The following RUFY3 variants were observed in gnomAD, a reference collection of about 807,000 sequenced individuals.
The protein encoded by RUFY3 is RUN and FYVE domain containing 3, also known as protein RUFY3.
In RUFY3, 34 loss-of-function variants were observed where a neutral mutation model predicts 84.0. That is an observed-to-expected ratio of 0.40 (90% CI 0.31 to 0.54). The LOEUF (loss-of-function observed/expected upper bound fraction) is 0.54, where lower values mean the gene tolerates loss of function less well. Among genes scored for constraint, RUFY3 ranks in the 20% least tolerant of loss-of-function variants. RUFY3 has a pLI of 0.39. For missense variants in RUFY3, 507 were observed against 736.8 expected, an observed-to-expected ratio of 0.69 and a Z score of 3.61; for synonymous variants, 242 against 252.9, an observed-to-expected ratio of 0.96 and a Z score of 0.41.
upstream of RUFY3, chr4:70,704,748 G>C (rs1740054333): frequency 2.7e-6 from 1 of 365,516 alleles, no homozygotes; most frequent in Non-Finnish European, 4.7e-6. Flanking sequence ...CAGCTGGCTT[G>C]GACCCTGGCG....
intron 12 of RUFY3, chr4:70,792,868 G>T (rs1205994379): frequency 1.9e-5 from 19 of 985,168 alleles, no homozygotes; most frequent in Middle Eastern, 5.2e-4. Context: ...CTTATAATTT[G>T]CACCTATATA....
chr4:70,792,217 T>G, intron 12 of RUFY3: 1 of 985,586 alleles, frequency 1.0e-6, no homozygotes, highest in Non-Finnish European at 1.2e-6. Flanking sequence ...AATGATGATA[T>G]TCTGCCTGGC....
chr4:70,736,717 G>A (rs1380868175), intron 1 of RUFY3, among the ~76,000 whole-genome samples: 3 of 152,082 alleles, frequency 2.0e-5, no homozygotes, highest in African/African-American at 4.8e-5. Context: ...GATTACAGGC[G>A]CTTTCGACCA....
chr4:70,707,614 A>G (rs1330613879), intron 1 of RUFY3, among the ~76,000 whole-genome samples: 1 of 151,758 alleles, frequency 6.6e-6, no homozygotes, highest in Non-Finnish European at 1.5e-5. Context: ...GAAATAGTTT[A>G]TTGATGTGTA....
upstream of RUFY3, chr4:70,704,756 G>A: frequency 2.6e-6 from 1 of 381,338 alleles, no homozygotes. Flanking sequence ...TTGGACCCTG[G>A]CGGGGCGGGC....
Position 70,776,731 on chromosome 4 carries a change from G to A in RUFY3, c.824+1498G>A, listed in dbSNP as rs561115298. Among the ~76,000 whole-genome samples, 32 of 152,296 alleles carry A rather than the reference G, an allele frequency of 2.1e-4. 1 individual carries two copies. The South Asian group carries it at 5.4e-3, about 26-fold the overall frequency. ...GCAGAGCTTACAGTAAGCCGAGATCGCGCCACTGCACTCCAGCATGGGCAA... is the reference window on the plus strand; with the variant it reads ...GCAGAGCTTACAGTAAGCCGAGATCACGCCACTGCACTCCAGCATGGGCAA... On this transcript the variant is annotated intron_variant, in intron 7 of 17. Coordinates refer to ENST00000381006, the MANE Select transcript of RUFY3 (RefSeq NM_001037442.4).
chr4:70,806,578 TC>T lies in RUFY3; in HGVS notation c.1784del (p.Pro595LeufsTer17), dbSNP rs745444108. ...DACSTNELPLPSSIKLERVCN... is the reference protein window; with the variant it reads ...DACSTNELPLXSSIKLERVCN... ...CCTGTTCAACAAATGAACTGCCTCT[TC>T]CTTCAAGTATCAAGCTTGAGCGAGT... is the stretch of plus-strand genomic sequence containing the variant. On this transcript the variant is annotated frameshift_variant, in exon 18 of 18. Transcript: ENST00000381006. LOFTEE classifies it high-confidence loss of function. 1 of 1,614,178 alleles carries T rather than the reference TC, an allele frequency of 6.2e-7. No homozygotes were observed.
intron 1 of RUFY3, among the ~76,000 whole-genome samples, chr4:70,710,373 T>C (rs918865894): frequency 6.6e-6 from 1 of 152,122 alleles, no homozygotes; most frequent in East Asian, 1.9e-4. Flanking sequence ...TTAGTAGTAC[T>C]CTAGAAAACA....
At chr4:70,779,102 A>T (rs562459468) in intron 8 of RUFY3, among the ~76,000 whole-genome samples, 85 of 152,354 alleles carry the variant, frequency 5.6e-4, no homozygotes, top group African/African-American at 1.9e-3. Flanking sequence ...GAGCTAGACA[A>T]ATATTTATAT....
At chr4:70,739,491 G>T (rs1253073829) in intron 1 of RUFY3, among the ~76,000 whole-genome samples, 1 of 151,886 alleles carries the variant, frequency 6.6e-6, no homozygotes, top group African/African-American at 2.4e-5. Context: ...CTGGGTTTGG[G>T]GCTTCAGAAA....
At chr4:70,768,308 C>A (rs1467062409) in intron 4 of RUFY3, among the ~76,000 whole-genome samples, 1 of 152,008 alleles carries the variant, frequency 6.6e-6, no homozygotes, top group Non-Finnish European at 1.5e-5. Flanking sequence ...TTATTTTTTT[C>A]TTTTAAAAAA....
At chr4:70,719,851 A>G (rs1560443283), upstream of RUFY3, among the ~76,000 whole-genome samples, 1 of 152,158 alleles carries the variant, frequency 6.6e-6, no homozygotes, top group South Asian at 2.1e-4. Flanking sequence ...CTGCGTGCCT[A>G]GTGCCTGGAT....
At chr4:70,754,834 A>G (rs1266759534) in intron 1 of RUFY3, among the ~76,000 whole-genome samples, 1 of 152,042 alleles carries the variant, frequency 6.6e-6, no homozygotes, top group East Asian at 1.9e-4. Flanking sequence ...CATTCCCAAC[A>G]TAGAGTAAGC....
intron 1 of RUFY3, among the ~76,000 whole-genome samples, chr4:70,739,859 G>A (rs964636945): frequency 4.6e-5 from 7 of 151,124 alleles, no homozygotes; most frequent in Admixed American, 4.0e-4. Context: ...GGTGCAGTGG[G>A]GGACGCCTAT....
intron 12 of RUFY3, chr4:70,793,407 A>C: frequency 9.5e-7 from 1 of 1,057,086 alleles, no homozygotes; most frequent in Non-Finnish European, 1.1e-6. Flanking sequence ...TACCAAACCT[A>C]TTAGGAAATT....
At chr4:70,753,832 A>C (rs997975071) in intron 1 of RUFY3, among the ~76,000 whole-genome samples, 13 of 152,182 alleles carry the variant, frequency 8.5e-5, no homozygotes, top group Non-Finnish European at 1.8e-4. Context: ...TTCCAAGGGA[A>C]AAAACTGAAC....
intron 5 of RUFY3, among the ~76,000 whole-genome samples, chr4:70,771,645 C>T (rs1726984689): frequency 1.3e-5 from 2 of 152,184 alleles, no homozygotes; most frequent in South Asian, 4.1e-4. Flanking sequence ...GATCCTTCCA[C>T]TTCAGCCTTC....
Position 70,773,424 on chromosome 4 carries a change from T to C in RUFY3, c.697-87T>C, listed in dbSNP as rs908607504. 2.1e-5 allele frequency: 18 copies of C among 846,638 alleles called. No homozygotes were observed. In the African/African-American group the frequency reaches 2.2e-4, roughly 10 times the overall value. The allele number at this position is 846,638 out of a possible 1,614,324, so 52.4% of individuals were successfully genotyped here. A position where few individuals can be genotyped will look rare whatever the true frequency, so the allele number is the denominator to read the frequency against. On this transcript the variant is annotated intron_variant, in intron 5 of 17. Transcript: ENST00000381006. Reference sequence around the variant, plus strand: ...CTAGTAAGTGTCATGACTGTATTACTGTTTTGAGTGCCTAGAAGGAGACAT... The same window carrying C: ...CTAGTAAGTGTCATGACTGTATTACCGTTTTGAGTGCCTAGAAGGAGACAT...
intron 13 of RUFY3, 66 bp downstream of exon 13, chr4:70,793,970 A>C: frequency 6.4e-7 from 1 of 1,560,856 alleles, no homozygotes; most frequent in South Asian, 1.2e-5. Context: ...ACAGCAAGAA[A>C]AGGGGTCTCA....
Sources: allele counts gnomAD v4.1 joint callset (sites outside exome capture counted in the v4.1 genomes callset), GRCh38; gene constraint gnomAD v4.1.1; transcripts MANE v1.5; gene names NCBI Gene and HGNC (gene_info 2026-07-23, HGNC 2026-07-21).